Variants in DIS3 observed in about 807,000 individuals in gnomAD.
DIS3 encodes exosome complex exonuclease RRP44.
DIS3 carries 103 observed loss-of-function variants against 113.0 expected under a neutral mutation model. That is an observed-to-expected ratio of 0.91 (90% confidence interval 0.78 to 1.07). DIS3 has a LOEUF of 1.07. DIS3 is among the 50% of genes least tolerant of loss of function. DIS3 has a pLI of 0.00. For synonymous variants in DIS3, 402 were observed against 394.3 expected, an observed-to-expected ratio of 1.02 and a Z score of -0.23; for missense variants, 1,121 against 1,167.1, an observed-to-expected ratio of 0.96 and a Z score of 0.58.
rs781088911 is a variant in DIS3, at chr13:72,771,855, T to C, written c.1545A>G (p.Pro515=). 3.7e-6 allele frequency: 6 copies of C among 1,613,706 alleles called. No individual in the cohort carries two copies. In the East Asian group the frequency reaches 8.9e-5, roughly 24 times the overall value. The change falls in exon 11 of 21, where the codon CCA becomes CCG. Residue 515 remains proline (P), a synonymous_variant. Coordinates refer to ENST00000377767, the MANE Select transcript of DIS3 (RefSeq NM_014953.5). Reference sequence around the variant, plus strand: ...CTGATTCTTGATCCAAGGCATTTCCTGGCCTAATAAAATGGCTCACATCAG... The same window carrying C: ...CTGATTCTTGATCCAAGGCATTTCCCGGCCTAATAAAATGGCTCACATCAG... ...HIADVSHFIR[P]GNALDQESAR... is the part of the protein sequence containing the mutation.
Position 72,768,645 on chromosome 13 carries a change from A to AATACATAC in DIS3, c.1883+132_1883+139dup, listed in dbSNP as rs1041622886. 8.7e-6 allele frequency: 5 copies of AATACATAC among 573,958 alleles called. No homozygotes were observed. In the African/African-American group the frequency reaches 9.8e-5, roughly 11 times the overall value. 35.6% of individuals were successfully genotyped at this position (573,958 alleles called of 1,614,324 possible). On this transcript the variant is annotated intron_variant, in intron 14 of 20. Transcript: ENST00000377767. ...GGTGACAGAGTAAAACTCCGTTTCAAATACATACATACATACATAAATGGA... is the reference window on the plus strand; with the variant it reads ...GGTGACAGAGTAAAACTCCGTTTCAAATACATACATACATACATACATACATAAATGGA...
At chr13:72,775,837 T>C (rs1289500522) in intron 5 of DIS3, 88 bp downstream of exon 5, 4 of 1,166,252 alleles carry the variant, frequency 3.4e-6, no homozygotes, top group Non-Finnish European at 3.5e-6. Flanking sequence ...CCTCATATGT[T>C]ACACAAATAG....
chr13:72,755,365 G>A lies in DIS3; in HGVS notation c.*4430C>T. Reference sequence around the variant, plus strand: ...TAATGTGAAAAATCAAGGGCTTACTGACATAGGAACAACAGAAATGCTCCT... The same window carrying A: ...TAATGTGAAAAATCAAGGGCTTACTAACATAGGAACAACAGAAATGCTCCT... On this transcript the variant is annotated 3_prime_UTR_variant, in exon 21 of 21. Coordinates refer to ENST00000377767, the MANE Select transcript of DIS3 (RefSeq NM_014953.5). 2 of 591,912 alleles carry A rather than the reference G, an allele frequency of 3.4e-6. No homozygotes were observed. The highest frequency in any genetic ancestry group is 2.5e-5 in the South Asian group (1 of 39,382). 36.7% of individuals were successfully genotyped at this position (591,912 alleles called of 1,614,324 possible).
chr13:72,779,123 C>CTTTTT (rs563966682), intron 2 of DIS3, among the ~76,000 whole-genome samples: 1 of 140,230 alleles, frequency 7.1e-6, no homozygotes, highest in Non-Finnish European at 1.6e-5. Flanking sequence ...CTTGCTAATG[C>CTTTTT]TTTTTTTTTT....
Position 72,773,822 on chromosome 13 carries a change from C to T in DIS3, c.1102-1G>A. 1.2e-6 allele frequency: 2 copies of T among 1,603,266 alleles called. No individual in the cohort carries two copies. The highest frequency in any genetic ancestry group is 1.7e-6 in the Non-Finnish European group (2 of 1,177,474). On this transcript the variant is annotated splice_acceptor_variant, in intron 7 of 20. Transcript: ENST00000377767. LOFTEE classifies it high-confidence loss of function. ...CAGGTGTAAAGAGATGTCTTCTTGACTAGCAAAAATTAGGAATAAAGATTT... is the reference window on the plus strand; with the variant it reads ...CAGGTGTAAAGAGATGTCTTCTTGATTAGCAAAAATTAGGAATAAAGATTT...
chr13:72,780,377 C>T lies in DIS3; in HGVS notation c.386+469G>A, dbSNP rs561265147. On this transcript the variant is annotated intron_variant, in intron 2 of 20. Transcript: ENST00000377767. The stretch of plus-strand genomic sequence containing the variant: ...AATTCTATTCCTTAACCTAATCTTG[C>T]TCAATGTAATCAGCTGCAAAGTATT... 8.2e-4 allele frequency among the ~76,000 whole-genome samples: 121 copies of T among 148,180 alleles called. 1 individual carries two copies. The highest frequency in any genetic ancestry group is 2.9e-3 in the African/African-American group (117 of 40,478).
In DIS3 at chr13:72,756,973, T is replaced by C. The variant is rs2033492791; in HGVS notation, c.*2822A>G. On this transcript the variant is annotated 3_prime_UTR_variant, in exon 21 of 21. Transcript: ENST00000377767. Reference sequence around the variant, plus strand: ...GATAACAGTCCTGGCTTAACAGGGCTTTTTGAGTTAAGTGATATATTCCAC... The same window carrying C: ...GATAACAGTCCTGGCTTAACAGGGCCTTTTGAGTTAAGTGATATATTCCAC... 1 of 152,192 alleles carries C rather than the reference T, an allele frequency of 6.6e-6. No individual in the cohort carries two copies. The highest frequency in any genetic ancestry group is 2.1e-4 in the South Asian group (1 of 4,828). 9.4% of individuals were successfully genotyped at this position (152,192 alleles called of 1,614,324 possible).
chr13:72,756,013 G>A lies in DIS3; in HGVS notation c.*3782C>T. On this transcript the variant is annotated 3_prime_UTR_variant, in exon 21 of 21. Transcript: ENST00000377767. Reference sequence around the variant, plus strand: ...TTCCCGTAGGGCATAGGCCTGTGAAGTAACACTGGGGCAGATATGTATGTT... The same window carrying A: ...TTCCCGTAGGGCATAGGCCTGTGAAATAACACTGGGGCAGATATGTATGTT... 2.5e-6 allele frequency: 1 copy of A among 398,482 alleles called. No homozygotes were observed. 24.7% of individuals were successfully genotyped at this position (398,482 alleles called of 1,614,324 possible). A position where few individuals can be genotyped will look rare whatever the true frequency, so the allele number is the denominator to read the frequency against.
At chr13:72,781,078 T>C (rs1487523730) in intron 1 of DIS3, 75 bp from the exon 2 acceptor site, 22 of 1,469,910 alleles carry the variant, frequency 1.5e-5, no homozygotes, top group Non-Finnish European at 1.9e-5. Flanking sequence ...TCCTGTTTTA[T>C]GTTGGGCATA....
rs2033473560 is a variant in DIS3, at chr13:72,756,380, C to G, written c.*3415G>C. Reference sequence around the variant, plus strand: ...TGTCTTTAATCACACAGGTGTTAAACTCAATATAAATTTACCTAAAAACAA... The same window carrying G: ...TGTCTTTAATCACACAGGTGTTAAAGTCAATATAAATTTACCTAAAAACAA... On this transcript the variant is annotated 3_prime_UTR_variant, in exon 21 of 21. Coordinates refer to ENST00000377767, the MANE Select transcript of DIS3 (RefSeq NM_014953.5). 6.5e-6 allele frequency: 1 copy of G among 154,858 alleles called. No individual in the cohort carries two copies. Among genetic ancestry groups the G allele is most frequent in the Non-Finnish European group, 1.4e-5 (1 of 69,976 alleles). The allele number at this position is 154,858 out of a possible 1,614,324, so 9.6% of individuals were successfully genotyped here.
In DIS3 at chr13:72,754,070, G is replaced by T. The variant is rs117969742; in HGVS notation, c.*5725C>A. ...GGGCATTTACTGAACCTTCCAGGTG[G>T]TGGTTATATATTCATACTTGAAGAA... is the stretch of plus-strand genomic sequence containing the variant. On this transcript the variant is annotated 3_prime_UTR_variant, in exon 21 of 21. Coordinates refer to ENST00000377767, the MANE Select transcript of DIS3 (RefSeq NM_014953.5). 433 of 345,372 alleles carry T rather than the reference G, an allele frequency of 1.3e-3. 1 individual carries two copies. The highest frequency in any genetic ancestry group is 1.9e-3 in the Non-Finnish European group (367 of 190,544). The allele number at this position is 345,372 out of a possible 1,614,324, so 21.4% of individuals were successfully genotyped here. A position where few individuals can be genotyped will look rare whatever the true frequency, so the allele number is the denominator to read the frequency against.
rs1462096978 is a variant in DIS3, at chr13:72,775,906, AATTT to A, written c.822+15_822+18del. On this transcript the variant is annotated intron_variant, in intron 5 of 20. Coordinates refer to ENST00000377767, the MANE Select transcript of DIS3 (RefSeq NM_014953.5). Reference sequence around the variant, plus strand: ...ATCATCTTTATTTTAGTGTATAAGGAATTTATTTATATACTTGCCTCTTTATTTT... The same window carrying A: ...ATCATCTTTATTTTAGTGTATAAGGAATTTATATACTTGCCTCTTTATTTT... 3.8e-6 allele frequency: 6 copies of A among 1,575,264 alleles called. No homozygotes were observed. The highest frequency in any genetic ancestry group is 2.3e-5 in the East Asian group (1 of 44,278).
intron 8 of DIS3, 31 bp downstream of exon 8, chr13:72,773,653 T>C (rs1446830613): frequency 1.3e-6 from 2 of 1,584,746 alleles, no homozygotes; most frequent in Admixed American, 3.8e-5. Context: ...TAATTAAACA[T>C]CCCCACATAA....
Position 72,761,977 on chromosome 13 carries a change from T to C in DIS3, c.2288A>G (p.His763Arg). 1 of 1,614,176 alleles carries C rather than the reference T, an allele frequency of 6.2e-7. No individual in the cohort carries two copies. Among genetic ancestry groups the C allele is most frequent in the Non-Finnish European group, 8.5e-7 (1 of 1,180,036 alleles). Residue 763 changes from histidine to arginine, a missense_variant, in exon 17 of 21, where the codon CAT becomes CGT. Transcript: ENST00000377767. ...TATTGGAGACGCTAAGCCATAGTGA[T>C]GAAAATCATTATCCATTCCAGAACA... ...YFCSGMDNDF[H>R]HYGLASPIYT...
At chr13:72,763,395 G>T in intron 16 of DIS3, 56 bp downstream of exon 16, 1 of 1,507,686 alleles carries the variant, frequency 6.6e-7, no homozygotes, top group African/African-American at 1.4e-5. Context: ...AAATTATTTA[G>T]AACAACAGGT....
In DIS3 at chr13:72,773,793, T is replaced by A; in HGVS notation, c.1130A>T (p.Asp377Val). Residue 377 changes from aspartate (D) to valine (V), a missense_variant, in exon 8 of 21, where the codon GAT (aspartate) becomes GTT (valine). Transcript: ENST00000377767. ...ESRRHLFTPA[D>V]KRIPRIRIET... ...TATGCGAATTCGAGGGATTCTCTTA[T>A]CAGCAGGTGTAAAGAGATGTCTTCT... 6.2e-7 allele frequency: 1 copy of A among 1,613,898 alleles called. No homozygotes were observed. Among genetic ancestry groups the A allele is most frequent in the South Asian group, 1.1e-5 (1 of 90,984 alleles).
chr13:72,772,149 A>C lies in DIS3; in HGVS notation c.1503+10T>G, dbSNP rs1056627241. 4 of 1,596,494 alleles carry C rather than the reference A, an allele frequency of 2.5e-6. No homozygotes were observed. The highest frequency in any genetic ancestry group is 3.4e-6 in the Non-Finnish European group (4 of 1,167,054). ...TATATTTAGGTAAGAACACTATTAC[A>C]TATGAATACCTCCAAATTTCCATTT... On this transcript the variant is annotated intron_variant, in intron 10 of 20. Transcript: ENST00000377767.
In DIS3 at chr13:72,770,522, G is replaced by A. The variant is rs141489810; in HGVS notation, c.1755+382C>T. Among the ~76,000 whole-genome samples, 673 of 152,236 alleles carry A rather than the reference G, an allele frequency of 4.4e-3. 8 individuals are homozygous for A. Among genetic ancestry groups the A allele is most frequent in the African/African-American group, 0.014 (597 of 41,544 alleles). Reference sequence around the variant, plus strand: ...AGTAGGGCTGGGGCTGGTTACTTTGGCTTGGTACTAGCTGGGTCAAGAAAG... The same window carrying A: ...AGTAGGGCTGGGGCTGGTTACTTTGACTTGGTACTAGCTGGGTCAAGAAAG... On this transcript the variant is annotated intron_variant, in intron 13 of 20. Transcript: ENST00000377767.
At chr13:72,771,949 C>T in intron 10 of DIS3, 53 bp from the exon 11 acceptor site, 9 of 1,548,404 alleles carry the variant, frequency 5.8e-6, no homozygotes, top group South Asian at 2.3e-5. Flanking sequence ...GGTAAATGTA[C>T]CTAATGGAGT....
Sources: allele counts gnomAD v4.1 joint callset (sites outside exome capture counted in the v4.1 genomes callset), GRCh38; gene constraint gnomAD v4.1.1; transcripts MANE v1.5; gene names NCBI Gene and HGNC (gene_info 2026-07-23, HGNC 2026-07-21).